The following WNT7A variants were observed in gnomAD, a reference collection of about 807,000 sequenced individuals.
WNT7A encodes Wnt family member 7A.
In WNT7A, 16 loss-of-function variants were observed where a neutral mutation model predicts 28.2. The observed-to-expected ratio is 0.57, with a 90% CI of 0.38 to 0.86. The LOEUF is 0.86. Ranked by LOEUF, WNT7A falls within the 40% of genes least tolerant of loss-of-function variation. WNT7A has a pLI of 0.00. For synonymous variants in WNT7A, 190 were observed against 195.9 expected, an observed-to-expected ratio of 0.97 and a Z score of 0.25; for missense variants, 411 against 489.7, an observed-to-expected ratio of 0.84 and a Z score of 1.52.
At chr3:13,868,487 C>CAAAAGAAAGAAAGAAA (rs202035733) in intron 2 of WNT7A, among the ~76,000 whole-genome samples, 2 of 109,522 alleles carry the variant, frequency 1.8e-5, no homozygotes, top group African/African-American at 3.4e-5. Flanking sequence ...AAGGAAAGAA[C>CAAAAGAAAGAAAGAAA]GAAAGAAAGA....
intron 2 of WNT7A, among the ~76,000 whole-genome samples, chr3:13,861,947 C>T (rs928954366): frequency 2.0e-5 from 3 of 152,230 alleles, no homozygotes; most frequent in African/African-American, 7.2e-5. Context: ...AACTTTTCAT[C>T]CAGAAGCCAA....
intron 3 of WNT7A, among the ~76,000 whole-genome samples, chr3:13,847,327 C>T (rs1039042555): frequency 1.3e-5 from 2 of 152,224 alleles, no homozygotes. Context: ...TCTCATCCAG[C>T]TCAGCTCCCC....
At chr3:13,846,909 G>A (rs1694545748) in intron 3 of WNT7A, among the ~76,000 whole-genome samples, 1 of 152,128 alleles carries the variant, frequency 6.6e-6, no homozygotes, top group Non-Finnish European at 1.5e-5. Flanking sequence ...GGGTGGGGTG[G>A]TCTTACCAGC....
rs1424127853 is a variant in WNT7A, at chr3:13,818,464, GA to G, written c.*479del. On this transcript the variant is annotated 3_prime_UTR_variant, in exon 4 of 4. Coordinates refer to ENST00000285018, the MANE Select transcript of WNT7A (RefSeq NM_004625.4). ...TGGGTACCTGCAAAATCAGCTAGTAGAAATATCTGCATAAAGAATAGTTATG... is the reference window on the plus strand; with the variant it reads ...TGGGTACCTGCAAAATCAGCTAGTAGAATATCTGCATAAAGAATAGTTATG... 6.6e-6 allele frequency: 1 copy of G among 151,414 alleles called. No homozygotes were observed. Among genetic ancestry groups the G allele is most frequent in the African/African-American group, 2.4e-5 (1 of 41,066 alleles). The allele number at this position is 151,414 out of a possible 1,614,324, so 9.4% of individuals were successfully genotyped here.
rs1575057563 is a variant in WNT7A, at chr3:13,819,544, T to C, written c.571-121A>G. On this transcript the variant is annotated intron_variant, in intron 3 of 3. Transcript: ENST00000285018. The stretch of plus-strand genomic sequence containing the variant: ...CCTATCTGGGTCTGGCTTTAGTTTT[T>C]TCTTTCTGGTGTAGGAAACTCAGAC... 7.3e-6 allele frequency: 10 copies of C among 1,370,680 alleles called. No individual in the cohort carries two copies. The African/African-American group carries it at 1.2e-4, about 16-fold the overall frequency. 84.9% of individuals were successfully genotyped at this position (1,370,680 alleles called of 1,614,324 possible).
chr3:13,822,594 GTTTC>G (rs1694130573), intron 3 of WNT7A, among the ~76,000 whole-genome samples: 1 of 152,206 alleles, frequency 6.6e-6, no homozygotes, highest in African/African-American at 2.4e-5. Flanking sequence ...ATGGGTACGG[GTTTC>G]TTTCTGAGGT....
chr3:13,867,432 T>C (rs1176389181), intron 2 of WNT7A, among the ~76,000 whole-genome samples: 1 of 152,168 alleles, frequency 6.6e-6, no homozygotes, highest in Non-Finnish European at 1.5e-5. Flanking sequence ...ATTTCAGCTC[T>C]GCCACAAAAC....
At chr3:13,826,526 G>A (rs1426630684) in intron 3 of WNT7A, among the ~76,000 whole-genome samples, 2 of 152,136 alleles carry the variant, frequency 1.3e-5, no homozygotes, top group Non-Finnish European at 2.9e-5. Context: ...TTAAGGAAGA[G>A]CACATGTTGA....
At chr3:13,846,537 G>A (rs1290874745) in intron 3 of WNT7A, among the ~76,000 whole-genome samples, 1 of 152,172 alleles carries the variant, frequency 6.6e-6, no homozygotes, top group East Asian at 1.9e-4. Flanking sequence ...TAAGACTACT[G>A]TGGGGATTAA....
chr3:13,835,400 G>A (rs1694350955), intron 3 of WNT7A, among the ~76,000 whole-genome samples: 1 of 152,218 alleles, frequency 6.6e-6, no homozygotes, highest in Admixed American at 6.5e-5. Context: ...GGCCAGCTCC[G>A]AGGGCAAAAC....
intron 2 of WNT7A, among the ~76,000 whole-genome samples, chr3:13,868,585 AGAGAGGG>A (rs1559306915): frequency 0.097 from 1,507 of 15,484 alleles, 322 homozygotes; most frequent in African/African-American, 0.12. Context: ...AGAGAGAGAG[AGAGAGGG>A]AGAAAGAAAG....
At chr3:13,822,636 G>A (rs139064793) in intron 3 of WNT7A, among the ~76,000 whole-genome samples, 3 of 152,348 alleles carry the variant, frequency 2.0e-5, no homozygotes, top group African/African-American at 7.2e-5. Context: ...ATTCATTGTG[G>A]TGATGGTTGC....
chr3:13,856,893 AAAGAAGAAGAAGAAGAAGAAG>A lies in WNT7A; in HGVS notation c.299-2111_299-2091del, dbSNP rs775537679. Among the ~76,000 whole-genome samples, 675 of 73,252 alleles carry A rather than the reference AAAGAAGAAGAAGAAGAAGAAG, an allele frequency of 9.2e-3. 3 individuals carry two copies. Among genetic ancestry groups the A allele is most frequent in the Non-Finnish European group, 0.013 (504 of 38,952 alleles). The allele number at this position is 73,252 out of a possible 152,430, so 48.1% of individuals were successfully genotyped here. ...AGAGGAAGAAGAGGAAGAAGAAGAA[AAAGAAGAAGAAGAAGAAGAAG>A]AAGAAGAAGAAGAAGAAGAAGAAGA... On this transcript the variant is annotated intron_variant, in intron 2 of 3. Transcript: ENST00000285018.
chr3:13,850,948 GT>G (rs1694626762), intron 3 of WNT7A, among the ~76,000 whole-genome samples: 1 of 152,000 alleles, frequency 6.6e-6, no homozygotes, highest in African/African-American at 2.4e-5. Flanking sequence ...TCCCGTCCCA[GT>G]ACCCATTTGC....
intron 3 of WNT7A, among the ~76,000 whole-genome samples, chr3:13,842,516 G>A (rs1694477521): frequency 6.6e-6 from 1 of 152,222 alleles, no homozygotes; most frequent in Non-Finnish European, 1.5e-5. Flanking sequence ...TCACTGTAGG[G>A]AAGAGAGGCT....
At chr3:13,835,474 C>T (rs1021098930) in intron 3 of WNT7A, among the ~76,000 whole-genome samples, 64 of 152,260 alleles carry the variant, frequency 4.2e-4, no homozygotes, top group African/African-American at 1.4e-3. Flanking sequence ...GCTGAGCCAG[C>T]GTCCTCAGCT....
In WNT7A at chr3:13,818,074, A is replaced by C. The variant is rs1427225329; in HGVS notation, c.*870T>G. On this transcript the variant is annotated 3_prime_UTR_variant, in exon 4 of 4. Coordinates refer to ENST00000285018, the MANE Select transcript of WNT7A (RefSeq NM_004625.4). ...CTAAGTGAGTACCAGAATTAAGAAG[A>C]AGCACAGGCCGTGGAATGATACAGT... The C allele has an allele frequency of 8.5e-5, 13 of 152,180 alleles. No individual in the cohort carries two copies. Among genetic ancestry groups the C allele is most frequent in the Admixed American group, 7.9e-4 (12 of 15,278 alleles). 9.4% of individuals were successfully genotyped at this position (152,180 alleles called of 1,614,324 possible). A position where few individuals can be genotyped will look rare whatever the true frequency, so the allele number is the denominator to read the frequency against.
chr3:13,863,470 C>T lies in WNT7A; in HGVS notation c.299-8667G>A, dbSNP rs78645953. On this transcript the variant is annotated intron_variant, in intron 2 of 3. Coordinates refer to ENST00000285018, the MANE Select transcript of WNT7A (RefSeq NM_004625.4). ...TGTGTGTGTGTCTGCATGTTGCATG[C>T]GCACGCACGCCTGCCTGCCTGCCTG... is the stretch of plus-strand genomic sequence containing the variant. Among the ~76,000 whole-genome samples the T allele has an allele frequency of 5.2e-3, 788 of 152,048 alleles. 8 individuals carry two copies. The highest frequency in any genetic ancestry group is 0.017 in the African/African-American group (710 of 41,476).
intron 3 of WNT7A, among the ~76,000 whole-genome samples, chr3:13,834,398 AGGTCAGGGGCACGCTGTG>A (rs1694331432): frequency 6.6e-6 from 1 of 151,766 alleles, no homozygotes; most frequent in Non-Finnish European, 1.5e-5. Flanking sequence ...TGCACACTGG[AGGTCAGGGGCACGCTGTG>A]GGTCAGGTGC....
Sources: allele counts gnomAD v4.1 joint callset (sites outside exome capture counted in the v4.1 genomes callset), GRCh38; gene constraint gnomAD v4.1.1; transcripts MANE v1.5; gene names NCBI Gene and HGNC (gene_info 2026-07-23, HGNC 2026-07-21).